The following NEMP2 variants were observed in gnomAD, a reference collection of about 807,000 sequenced individuals.
The protein encoded by NEMP2 is UPF0571 transmembrane protein.
Under a neutral mutation model 54.2 loss-of-function variants are expected in NEMP2, and 53 were observed. The observed-to-expected ratio is 0.98, with a 90% CI of 0.78 to 1.23. The LOEUF (loss-of-function observed/expected upper bound fraction) is 1.23, where lower values mean the gene tolerates loss of function less well. Among genes scored for constraint, NEMP2 ranks in the 50% most tolerant of loss-of-function variants. The pLI is 0.00. For missense variants in NEMP2, 455 were observed against 511.3 expected (o/e 0.89, Z 1.06); for synonymous variants, 197 against 190.3 (o/e 1.04, Z -0.29).
the NEMP2 span, among the ~76,000 whole-genome samples, chr2:190,561,513 T>C: frequency 6.6e-6 from 1 of 152,198 alleles, no homozygotes; most frequent in Non-Finnish European, 1.5e-5. This position sits in a 1 kb window ranked among gnomAD's most constrained non-coding sequence, Gnocchi z 5.4. Flanking sequence ...TATGTCCTAA[T>C]TATAAGGAAA....
rs770810663 is a variant in NEMP2, at chr2:190,519,211, A to G, written c.214-28T>C. On this transcript the variant is annotated intron_variant, in intron 2 of 8. Coordinates refer to ENST00000409150, the MANE Select transcript of NEMP2 (RefSeq NM_001142645.2). This position sits in a 1 kb window ranked among gnomAD's most constrained non-coding sequence, Gnocchi z 5.4. ...GTAAAACAAGAACAAGCAAATCCAT[A>G]AACAGAATAACTTCTCTTTTTTGTT... is the stretch of plus-strand genomic sequence containing the variant. The G allele has an allele frequency of 3.5e-6, 5 of 1,438,660 alleles. No homozygotes were observed. The highest frequency in any genetic ancestry group is 2.5e-5 in the East Asian group (1 of 40,354). The allele number at this position is 1,438,660 out of a possible 1,614,324, so 89.1% of individuals were successfully genotyped here. A position where few individuals can be genotyped will look rare whatever the true frequency, so the allele number is the denominator to read the frequency against.
the NEMP2 span, among the ~76,000 whole-genome samples, chr2:190,594,010 G>A: frequency 4.6e-5 from 7 of 152,316 alleles, 1 homozygote; most frequent in African/African-American, 1.7e-4. This position sits in a 1 kb window ranked among gnomAD's most constrained non-coding sequence, Gnocchi z 5.6. Context: ...CTCATGTGAT[G>A]AGAATCAAAC....
At chr2:190,590,660 TA>T in the NEMP2 span, among the ~76,000 whole-genome samples, 1 of 152,204 alleles carries the variant, frequency 6.6e-6, no homozygotes, top group Non-Finnish European at 1.5e-5. The surrounding 1 kb of genome is among the most constrained non-coding windows in gnomAD (Gnocchi z 5.1). Context: ...AGGTGAGAGT[TA>T]TATAGACTTA....
the NEMP2 span, among the ~76,000 whole-genome samples, chr2:190,644,670 C>G: frequency 6.6e-6 from 1 of 151,842 alleles, no homozygotes; most frequent in African/African-American, 2.4e-5. The surrounding 1 kb of genome is among the most constrained non-coding windows in gnomAD (Gnocchi z 4.4). Flanking sequence ...CTCATGCTCT[C>G]ACTTACAAGT....
chr2:190,489,626 TG>T, the NEMP2 span: 1 of 688,290 alleles, frequency 1.5e-6, no homozygotes, highest in Non-Finnish European at 2.4e-6. The surrounding 1 kb of genome is among the most constrained non-coding windows in gnomAD (Gnocchi z 6.6). Flanking sequence ...TTCCATTATG[TG>T]GAGCTAATAC....
the NEMP2 span, among the ~76,000 whole-genome samples, chr2:190,593,116 A>G: frequency 6.6e-6 from 1 of 152,170 alleles, no homozygotes. This position sits in a 1 kb window ranked among gnomAD's most constrained non-coding sequence, Gnocchi z 4.5. Flanking sequence ...GTCTTATGCT[A>G]TCTCAGGCAA....
the NEMP2 span, among the ~76,000 whole-genome samples, chr2:190,627,237 T>C: frequency 6.6e-6 from 1 of 152,254 alleles, no homozygotes; most frequent in South Asian, 2.1e-4. The surrounding 1 kb of genome is among the most constrained non-coding windows in gnomAD (Gnocchi z 4.4). Flanking sequence ...TTTGAATAAA[T>C]AAATCTTGCA....
Position 190,525,010 on chromosome 2 carries a change from G to A in NEMP2, c.213+253C>T, listed in dbSNP as rs1690881722. Among the ~76,000 whole-genome samples the A allele has an allele frequency of 6.6e-6, 1 of 152,182 alleles. No individual in the cohort carries two copies. Among genetic ancestry groups the A allele is most frequent in the South Asian group, 2.1e-4 (1 of 4,832 alleles). On this transcript the variant is annotated intron_variant, in intron 2 of 8. Coordinates refer to ENST00000409150, the MANE Select transcript of NEMP2 (RefSeq NM_001142645.2). The surrounding 1 kb of genome is among the most constrained non-coding windows in gnomAD (Gnocchi z 5.0). ...AGACTGCCTGAACAGCAGGCATGCT[G>A]TATACATTTAGATAGTATATTCATT...
chr2:190,638,000 A>G, the NEMP2 span, among the ~76,000 whole-genome samples: 1 of 152,224 alleles, frequency 6.6e-6, no homozygotes, highest in Admixed American at 6.5e-5. This position sits in a 1 kb window ranked among gnomAD's most constrained non-coding sequence, Gnocchi z 4.5. Context: ...CATCAGTAAC[A>G]CACTGGGTGC....
chr2:190,564,683 G>T, the NEMP2 span, among the ~76,000 whole-genome samples: 2 of 152,182 alleles, frequency 1.3e-5, no homozygotes, highest in African/African-American at 4.8e-5. The surrounding 1 kb of genome is among the most constrained non-coding windows in gnomAD (Gnocchi z 4.2). Context: ...GGGTGCAAAA[G>T]CAAGAGACAA....
chr2:190,576,877 A>C, the NEMP2 span, among the ~76,000 whole-genome samples: 4 of 152,226 alleles, frequency 2.6e-5, no homozygotes, highest in Non-Finnish European at 5.9e-5. Context: ...TTTATAGGCA[A>C]AGAGGACATG....
chr2:190,555,101 C>CA, the NEMP2 span, among the ~76,000 whole-genome samples: 29 of 152,192 alleles, frequency 1.9e-4, no homozygotes, highest in Non-Finnish European at 4.0e-4. The surrounding 1 kb of genome is among the most constrained non-coding windows in gnomAD (Gnocchi z 4.8). Context: ...GGAAAACTAA[C>CA]AAACAGAAAG....
rs1031092544 is a variant in NEMP2, at chr2:190,530,359, T to C, written c.97+4200A>G. Among the ~76,000 whole-genome samples the C allele has an allele frequency of 2.0e-5, 3 of 152,178 alleles. No homozygotes were observed. Among genetic ancestry groups the C allele is most frequent in the Non-Finnish European group, 2.9e-5 (2 of 68,016 alleles). ...CATGGTGTCCTCTGGCTGCCCTTTT[T>C]TCTTATCACCTCTCTCCCGAGGTGA... On this transcript the variant is annotated intron_variant, in intron 1 of 8. Coordinates refer to ENST00000409150, the MANE Select transcript of NEMP2 (RefSeq NM_001142645.2). This position sits in a 1 kb window ranked among gnomAD's most constrained non-coding sequence, Gnocchi z 4.6.
At chr2:190,544,268 T>C in the NEMP2 span, among the ~76,000 whole-genome samples, 2 of 152,218 alleles carry the variant, frequency 1.3e-5, no homozygotes, top group Non-Finnish European at 2.9e-5. Flanking sequence ...TGAAATTGAC[T>C]TGCCATATAC....
chr2:190,637,353 C>T, the NEMP2 span, among the ~76,000 whole-genome samples: 1 of 152,192 alleles, frequency 6.6e-6, no homozygotes, highest in African/African-American at 2.4e-5. The surrounding 1 kb of genome is among the most constrained non-coding windows in gnomAD (Gnocchi z 4.5). Flanking sequence ...ATGTCTGACA[C>T]TCACAGCTTG....
the NEMP2 span, among the ~76,000 whole-genome samples, chr2:190,561,033 G>T: frequency 3.5e-4 from 53 of 152,268 alleles, no homozygotes; most frequent in African/African-American, 1.3e-3. The surrounding 1 kb of genome is among the most constrained non-coding windows in gnomAD (Gnocchi z 5.4). Context: ...GCAGAGGTGT[G>T]CCCAGTGCTT....
the NEMP2 span, among the ~76,000 whole-genome samples, chr2:190,441,034 T>C: frequency 6.6e-6 from 1 of 152,148 alleles, no homozygotes; most frequent in Non-Finnish European, 1.5e-5. Flanking sequence ...GGGAAGAAAC[T>C]CTGCAGCCGG....
the NEMP2 span, among the ~76,000 whole-genome samples, chr2:190,630,670 C>T: frequency 1.3e-5 from 2 of 151,990 alleles, no homozygotes; most frequent in Non-Finnish European, 2.9e-5. The surrounding 1 kb of genome is among the most constrained non-coding windows in gnomAD (Gnocchi z 5.5). Flanking sequence ...TTTCATAGAA[C>T]CCTCAGTTCT....
the NEMP2 span, among the ~76,000 whole-genome samples, chr2:190,476,545 CAG>C: frequency 1.3e-5 from 2 of 152,128 alleles, no homozygotes; most frequent in Non-Finnish European, 1.5e-5. Flanking sequence ...ATTAAAAAGT[CAG>C]GGAACAACAG....
Sources: allele counts gnomAD v4.1 joint callset (sites outside exome capture counted in the v4.1 genomes callset), GRCh38; gene constraint gnomAD v4.1.1; non-coding constraint Gnocchi (gnomAD v3.1); transcripts MANE v1.5; gene names NCBI Gene and HGNC (gene_info 2026-07-23, HGNC 2026-07-21).